FARP1: variants seen among roughly 807,000 people sequenced by gnomAD.
FARP1 encodes FERM, ARHGEF and pleckstrin domain-containing protein 1.
In FARP1, 52 loss-of-function variants were observed where a neutral mutation model predicts 128.8. The observed-to-expected ratio is 0.40, with a 90% CI of 0.32 to 0.51. The LOEUF (loss-of-function observed/expected upper bound fraction) is 0.51, where lower values mean the gene tolerates loss of function less well. Among genes scored for constraint, FARP1 ranks in the 20% least tolerant of loss-of-function variants. The pLI, the probability that FARP1 is intolerant of heterozygous loss-of-function variation, is 0.45. For synonymous variants in FARP1, 580 were observed against 551.8 expected, an observed-to-expected ratio of 1.05 and a Z score of -0.72; for missense variants, 1,333 against 1,367.9, an observed-to-expected ratio of 0.97 and a Z score of 0.40.
chr13:98,399,531 T>C (rs924560529), intron 13 of FARP1: 1 of 152,238 alleles, frequency 6.6e-6, no homozygotes, highest in African/African-American at 2.4e-5. Flanking sequence ...TAGGGTTGGG[T>C]GTGATACTAG....
intron 2 of FARP1, among the ~76,000 whole-genome samples, chr13:98,330,643 T>C (rs1425390818): frequency 6.6e-6 from 1 of 151,852 alleles, no homozygotes; most frequent in South Asian, 2.1e-4. Flanking sequence ...TAATCCCAGC[T>C]ACTCGAGAGG....
intron 1 of FARP1, among the ~76,000 whole-genome samples, chr13:98,181,146 T>C (rs565543778): frequency 6.6e-6 from 1 of 152,294 alleles, no homozygotes; most frequent in African/African-American, 2.4e-5. Context: ...TATGGCCGTT[T>C]CATTGCAGAT....
intron 13 of FARP1, chr13:98,403,156 T>G (rs1281920346): frequency 6.6e-6 from 1 of 151,736 alleles, no homozygotes; most frequent in East Asian, 1.9e-4. Flanking sequence ...TAGAATACAG[T>G]GATCCTATTC....
At chr13:98,144,556 G>T (rs1311740365) in intron 1 of FARP1, among the ~76,000 whole-genome samples, 1 of 152,120 alleles carries the variant, frequency 6.6e-6, no homozygotes, top group Non-Finnish European at 1.5e-5. Flanking sequence ...TGGTCTCTGC[G>T]TGGAAACCCC....
At chr13:98,371,423 C>T (rs759227180) in intron 5 of FARP1, among the ~76,000 whole-genome samples, 2 of 152,152 alleles carry the variant, frequency 1.3e-5, no homozygotes, top group Admixed American at 6.5e-5. Context: ...TAAAGTTACA[C>T]GAGCTCAGCT....
intron 18 of FARP1, chr13:98,434,500 G>A (rs1458496819): frequency 6.6e-6 from 1 of 152,218 alleles, no homozygotes; most frequent in African/African-American, 2.4e-5. Flanking sequence ...GGTATTTAGA[G>A]TTCTGAAGAC....
At position 98,391,546 on chromosome 13, in the gene FARP1, C is replaced by T. The variant is rs571838606; in HGVS notation, c.1088+666C>T. Among the ~76,000 whole-genome samples the T allele has an allele frequency of 1.4e-3, 220 of 152,330 alleles. 1 individual carries two copies. Among genetic ancestry groups the T allele is most frequent in the African/African-American group, 5.1e-3 (210 of 41,568 alleles). ...TTGGCCTCCCAAAGTGCTGGGATTA[C>T]AGGCAAGAGTCACCATGCCCAGCCA... On this transcript the variant is annotated intron_variant, in intron 11 of 26. Coordinates refer to ENST00000319562, the MANE Select transcript of FARP1 (RefSeq NM_005766.4).
At position 98,334,981 on chromosome 13, in the gene FARP1, C is replaced by T. The variant is rs190604823; in HGVS notation, c.172-8781C>T. ...TCCACCTGAGCATACTAAGTCATCA[C>T]GTTTCCATCTGTGTTTACCTAGCAA... is the stretch of plus-strand genomic sequence containing the variant. On this transcript the variant is annotated intron_variant, in intron 2 of 26. Coordinates refer to ENST00000319562, the MANE Select transcript of FARP1 (RefSeq NM_005766.4). Among the ~76,000 whole-genome samples, 266 of 152,320 alleles carry T rather than the reference C, an allele frequency of 1.7e-3. 1 individual carries two copies. The highest frequency in any genetic ancestry group is 2.0e-3 in the Non-Finnish European group (133 of 68,030).
chr13:98,407,531 TG>T (rs1249601396), intron 13 of FARP1: 1 of 152,100 alleles, frequency 6.6e-6, no homozygotes, highest in Non-Finnish European at 1.5e-5. Flanking sequence ...CTGGGTCTGG[TG>T]GTGTTTCGGG....
chr13:98,177,157 C>T (rs774664158), intron 1 of FARP1: 25 of 1,607,128 alleles, frequency 1.6e-5, no homozygotes, highest in Middle Eastern at 2.0e-4. Context: ...AGCCCCTTTC[C>T]GTCCAGGCTT....
intron 2 of FARP1, among the ~76,000 whole-genome samples, chr13:98,232,434 C>G (rs1252974035): frequency 2.6e-5 from 4 of 152,144 alleles, no homozygotes; most frequent in Admixed American, 1.3e-4. Flanking sequence ...CCAGGCATGC[C>G]TCATCTTATT....
At position 98,438,838 on chromosome 13, in the gene FARP1, C is replaced by T. The variant is rs772081486; in HGVS notation, c.2309C>T (p.Ser770Leu). 19 of 1,613,178 alleles carry T rather than the reference C, an allele frequency of 1.2e-5. No homozygotes were observed. The highest frequency in any genetic ancestry group is 2.2e-5 in the East Asian group (1 of 44,890). The change falls in exon 20 of 27, where the codon TCG (serine) becomes TTG (leucine). Residue 770 changes from serine (S) to leucine (L), a missense_variant. By Grantham distance (145) the Ser-to-Leu change is moderately radical. Around this residue, in one of 2 missense-constraint regions of FARP1, gnomAD observed 1,009 missense variants for 969.8 expected, o/e 1.04. Transcript: ENST00000319562. The part of the protein sequence containing the change: ...FIRLGSLSKL[S>L]GKGLQQRMFF... Reference sequence around the variant, plus strand: ...CGTCTGGGCAGCCTCAGCAAGCTCTCGGGGAAGGGGCTCCAGCAGCGCATG... The same window carrying T: ...CGTCTGGGCAGCCTCAGCAAGCTCTTGGGGAAGGGGCTCCAGCAGCGCATG...
chr13:98,391,035 TAGAG>T (rs995320174), intron 11 of FARP1, among the ~76,000 whole-genome samples, 155 bp downstream of exon 11: 1 of 152,018 alleles, frequency 6.6e-6, no homozygotes, highest in African/African-American at 2.4e-5. Flanking sequence ...AGTCCAGTGT[TAGAG>T]AGGAAGGTTT....
chr13:98,172,118 C>T (rs148637907), intron 1 of FARP1, among the ~76,000 whole-genome samples: 2 of 151,944 alleles, frequency 1.3e-5, no homozygotes, highest in Non-Finnish European at 2.9e-5. Context: ...TATCTGTGCT[C>T]TGCTGTTTGT....
chr13:98,424,358 G>A (rs533005127), intron 16 of FARP1, among the ~76,000 whole-genome samples: 2 of 152,318 alleles, frequency 1.3e-5, no homozygotes, highest in African/African-American at 4.8e-5. Context: ...GTTCTCTCTT[G>A]TCTCTTTCAA....
intron 5 of FARP1, among the ~76,000 whole-genome samples, chr13:98,369,504 A>G (rs1195964801): frequency 7.9e-5 from 12 of 151,824 alleles, no homozygotes. Context: ...TCCTAATGCT[A>G]TCCCTCCCCG....
intron 26 of FARP1, chr13:98,447,495 G>C (rs1892922716): frequency 6.6e-6 from 1 of 152,350 alleles, no homozygotes; most frequent in Non-Finnish European, 1.5e-5. Context: ...GATCCTGAAA[G>C]GCCTGGGACA....
intron 2 of FARP1, among the ~76,000 whole-genome samples, chr13:98,288,515 G>A (rs1454600857): frequency 6.6e-6 from 1 of 152,052 alleles, no homozygotes; most frequent in East Asian, 1.9e-4. Flanking sequence ...TTTCTCCTTG[G>A]TGCGCTTGTG....
intron 2 of FARP1, among the ~76,000 whole-genome samples, chr13:98,277,500 C>A (rs961495011): frequency 6.6e-6 from 1 of 152,056 alleles, no homozygotes; most frequent in African/African-American, 2.4e-5. Context: ...AGAGATGATC[C>A]ATGTCCACAT....
Sources: gnomAD v4.1 joint callset for allele counts (sites outside exome capture counted in the v4.1 genomes callset) on GRCh38, gnomAD v4.1.1 for gene constraint, gnomAD v4.1.1 regional missense constraint, MANE v1.5 for transcripts, NCBI Gene and HGNC (gene_info 2026-07-23, HGNC 2026-07-21) for gene names.